The following ZNF728 variants were observed in gnomAD, a reference collection of about 807,000 sequenced individuals.
ZNF728 encodes the protein zinc finger protein 728.
In ZNF728, 12 loss-of-function variants were observed where a neutral mutation model predicts 12.5. That is an observed-to-expected ratio of 0.96 (90% confidence interval 0.61 to 1.55). The LOEUF (loss-of-function observed/expected upper bound fraction) is 1.55. Ranked by LOEUF, ZNF728 falls within the 40% of genes most tolerant of loss-of-function variation. The pLI is 0.00. For missense variants in ZNF728, 692 were observed against 719.2 expected (o/e 0.96, Z 0.43); for synonymous variants, 205 against 240.7 (o/e 0.85, Z 1.37).
chr19:22,981,819 A>G (rs1392430860), intron 3 of ZNF728, among the ~76,000 whole-genome samples: 1 of 152,200 alleles, frequency 6.6e-6, no homozygotes, highest in Non-Finnish European at 1.5e-5. Flanking sequence ...GCCTTCGACA[A>G]AATTCAATAC....
intron 3 of ZNF728, among the ~76,000 whole-genome samples, chr19:22,983,678 A>T (rs1599528475): frequency 6.6e-6 from 1 of 152,306 alleles, no homozygotes; most frequent in East Asian, 1.9e-4. Flanking sequence ...ATGCAGCCAT[A>T]AAAAAGGATG....
At chr19:23,001,449 C>T (rs1436363235) in intron 1 of ZNF728, among the ~76,000 whole-genome samples, 1 of 152,216 alleles carries the variant, frequency 6.6e-6, no homozygotes, top group Admixed American at 6.5e-5. Context: ...GGCTACACTC[C>T]ATACCTCAGG....
chr19:22,989,000 G>A (rs1297831317), intron 1 of ZNF728, among the ~76,000 whole-genome samples: 3 of 136,420 alleles, frequency 2.2e-5, no homozygotes, highest in Non-Finnish European at 4.5e-5. Context: ...GTGGTGAGCC[G>A]AGATCATGCC....
intron 3 of ZNF728, among the ~76,000 whole-genome samples, chr19:22,977,566 T>C (rs565367090): frequency 6.6e-6 from 1 of 152,202 alleles, no homozygotes; most frequent in Non-Finnish European, 1.5e-5. Flanking sequence ...TATGGTGGTA[T>C]ACTTAGAAAT....
At chr19:22,991,214 T>G (rs762694193) in intron 1 of ZNF728, among the ~76,000 whole-genome samples, 7 of 152,232 alleles carry the variant, frequency 4.6e-5, no homozygotes, top group Admixed American at 1.3e-4. Context: ...AAACAACATG[T>G]GCACATGTAC....
intron 1 of ZNF728, among the ~76,000 whole-genome samples, chr19:23,002,429 A>G (rs1969122749): frequency 6.6e-6 from 1 of 152,226 alleles, no homozygotes; most frequent in Non-Finnish European, 1.5e-5. Flanking sequence ...AGAAATTTCC[A>G]TCTTGATAGT....
At chr19:22,982,270 T>C (rs1483322228) in intron 3 of ZNF728, among the ~76,000 whole-genome samples, 1 of 152,108 alleles carries the variant, frequency 6.6e-6, no homozygotes, top group Non-Finnish European at 1.5e-5. Context: ...TCACAATTGC[T>C]ACAAAGAGAA....
At chr19:22,988,847 TTTTAG>T (rs1236482428) in intron 1 of ZNF728, among the ~76,000 whole-genome samples, 1 of 150,982 alleles carries the variant, frequency 6.6e-6, no homozygotes, top group Non-Finnish European at 1.5e-5. Context: ...AGGTCGGGAG[TTTTAG>T]ACCAGCCTGA....
At position 22,976,295 on chromosome 19, in the gene ZNF728, C is replaced by G. The variant is rs747715499; in HGVS notation, c.1042G>C (p.Ala348Pro). The G allele has an allele frequency of 5.6e-6, 9 of 1,613,086 alleles. No individual in the cohort carries two copies. In the South Asian group the frequency reaches 9.9e-5, roughly 18 times the overall value. Residue 348 changes from alanine to proline, a missense_variant, in exon 4 of 4, where the codon GCC becomes CCC. This residue lies in a region of ZNF728 where 440 missense variants were observed against 459.6 expected (regional missense o/e 0.96). Coordinates refer to ENST00000594710, the MANE Select transcript of ZNF728 (RefSeq NM_001267716.2). ...GTAAGGGTTGAGAAGTTACCAAAGGCTTTGCCACATTCTTCACATTTGCAG... is the reference window on the plus strand; with the variant it reads ...GTAAGGGTTGAGAAGTTACCAAAGGGTTTGCCACATTCTTCACATTTGCAG... ...KPCKCEECGK[A>P]FGNFSTLTKH...
chr19:22,998,949 C>T (rs1969078094), intron 1 of ZNF728, among the ~76,000 whole-genome samples: 1 of 152,178 alleles, frequency 6.6e-6, no homozygotes, highest in South Asian at 2.1e-4. Context: ...CAGTGGTCAA[C>T]ATAAAATACT....
Position 22,975,761 on chromosome 19 carries a change from GT to G in ZNF728, c.1575del (p.Lys525AsnfsTer4). The G allele has an allele frequency of 6.2e-7, 1 of 1,611,868 alleles. No homozygotes were observed. Among genetic ancestry groups the G allele is most frequent in the Non-Finnish European group, 8.5e-7 (1 of 1,179,862 alleles). On this transcript the variant is annotated frameshift_variant, in exon 4 of 4. Coordinates refer to ENST00000594710, the MANE Select transcript of ZNF728 (RefSeq NM_001267716.2). LOFTEE classifies it low-confidence loss of function (END_TRUNC). ...TTCTCTCCAGTATGAATTACCTTAT[GT>G]TTAGTAAGGTTTGCAACCTTACTGA... ...KAFSKVANLTKHKVIHTGEKQ... is the reference protein window; with the variant it reads ...KAFSKVANLTXHKVIHTGEKQ...
intron 1 of ZNF728, among the ~76,000 whole-genome samples, chr19:23,000,873 AAAAAAAAAAAAACC>A: frequency 7.1e-6 from 1 of 139,880 alleles, no homozygotes; most frequent in Middle Eastern, 3.6e-3. Flanking sequence ...GTCAAAAAAA[AAAAAAAAAAAAACC>A]AAAAAAAAAA....
intron 1 of ZNF728, among the ~76,000 whole-genome samples, chr19:23,000,865 CAAAAAAA>C (rs879559395): frequency 3.1e-5 from 1 of 32,594 alleles, no homozygotes; most frequent in African/African-American, 8.0e-5. Flanking sequence ...AAAACACTGT[CAAAAAAA>C]AAAAAAAAAA....
intron 1 of ZNF728, among the ~76,000 whole-genome samples, chr19:22,999,843 A>G (rs55927624): frequency 0.056 from 8,546 of 152,312 alleles, 303 homozygotes; most frequent in Middle Eastern, 0.085. Context: ...AGAAATTGAA[A>G]TAACAGGATA....
Position 22,988,387 on chromosome 19 carries a change from G to T in ZNF728, c.68C>A (p.Thr23Asn). The change falls in exon 2 of 4, where the codon ACT (threonine) becomes AAT (asparagine). Residue 23 changes from threonine (T) to asparagine (N), a missense_variant. Physicochemically the swap from Thr to Asn is moderately conservative, Grantham distance 65. Around this residue, in one of 3 missense-constraint regions of ZNF728, gnomAD observed 440 missense variants for 459.6 expected, o/e 0.96. Coordinates refer to ENST00000594710, the MANE Select transcript of ZNF728 (RefSeq NM_001267716.2). ...FSLEEWQCLD[T>N]AQQNLYRNVM... Reference sequence around the variant, plus strand: ...ATTCCTATATAAATTCTGCTGTGCAGTGTCCAGGCATTGCCACTCCTCCAG... The same window carrying T: ...ATTCCTATATAAATTCTGCTGTGCATTGTCCAGGCATTGCCACTCCTCCAG... 1 of 1,614,146 alleles carries T rather than the reference G, an allele frequency of 6.2e-7. No homozygotes were observed. Among genetic ancestry groups the T allele is most frequent in the South Asian group, 1.1e-5 (1 of 91,082 alleles).
rs1279595280 is a variant in ZNF728, at chr19:22,985,988, ACT to A, written c.226+1318_226+1319del. Among the ~76,000 whole-genome samples, 3 of 152,130 alleles carry A rather than the reference ACT, an allele frequency of 2.0e-5. No homozygotes were observed. In the East Asian group the frequency reaches 5.8e-4, roughly 29 times the overall value. Reference sequence around the variant, plus strand: ...CTGAGCAAAGTCCTGAAGGATATTTACTCTGTCCAAAAATAAAATGGGAATTA... The same window carrying A: ...CTGAGCAAAGTCCTGAAGGATATTTACTGTCCAAAAATAAAATGGGAATTA... On this transcript the variant is annotated intron_variant, in intron 3 of 3. Transcript: ENST00000594710.
intron 1 of ZNF728, among the ~76,000 whole-genome samples, chr19:23,002,684 A>G (rs1195818672): frequency 6.6e-6 from 1 of 152,172 alleles, no homozygotes; most frequent in African/African-American, 2.4e-5. Flanking sequence ...AGCTCTTTCC[A>G]TTCTTGAACC....
intron 1 of ZNF728, among the ~76,000 whole-genome samples, chr19:23,001,337 C>A (rs572479524): frequency 3.3e-4 from 51 of 152,246 alleles, no homozygotes; most frequent in South Asian, 2.9e-3. Flanking sequence ...GAGTAGCTTT[C>A]CAAAAAAACA....
intron 1 of ZNF728, among the ~76,000 whole-genome samples, chr19:22,996,665 TC>T (rs1264997850): frequency 6.6e-6 from 1 of 152,144 alleles, no homozygotes; most frequent in African/African-American, 2.4e-5. Flanking sequence ...GAATCTCAGG[TC>T]CCAGATAAAG....
Sources: gnomAD v4.1 joint callset for allele counts (sites outside exome capture counted in the v4.1 genomes callset) on GRCh38, gnomAD v4.1.1 for gene constraint, gnomAD v4.1.1 regional missense constraint, MANE v1.5 for transcripts, NCBI Gene and HGNC (gene_info 2026-07-23, HGNC 2026-07-21) for gene names.